ERC1: variants seen among roughly 807,000 people sequenced by gnomAD.
ERC1 encodes the protein ELKS/RAB6-interacting/CAST family member 1.
In ERC1, 56 loss-of-function variants were observed where a neutral mutation model predicts 132.0. The observed-to-expected ratio is 0.42, with a 90% CI of 0.34 to 0.53. The LOEUF is 0.53. Ranked by LOEUF, ERC1 falls within the 20% of genes least tolerant of loss-of-function variation. ERC1 has a pLI of 0.03. For synonymous variants in ERC1, 478 were observed against 476.1 expected (o/e 1.00, Z -0.05); for missense variants, 1,202 against 1,349.9 (o/e 0.89, Z 1.72).
At chr12:1,313,915 C>T (rs887165162) in intron 15 of ERC1, among the ~76,000 whole-genome samples, 9 of 152,028 alleles carry the variant, frequency 5.9e-5, no homozygotes, top group Non-Finnish European at 1.2e-4. Context: ...ACCTGGAAGG[C>T]GGAGTTTGCT....
At chr12:1,013,855 C>T (rs1277446935) in intron 1 of ERC1, among the ~76,000 whole-genome samples, 8 of 152,066 alleles carry the variant, frequency 5.3e-5, no homozygotes, top group African/African-American at 1.9e-4. Flanking sequence ...CTACAGCCTC[C>T]CAAGTAGCTA....
At chr12:1,441,317 T>TC (rs2093147275) in intron 17 of ERC1, among the ~76,000 whole-genome samples, 5 of 152,188 alleles carry the variant, frequency 3.3e-5, no homozygotes, top group Admixed American at 3.3e-4. Flanking sequence ...CGCCTCAGCC[T>TC]CCCAAAGTGC....
At chr12:1,394,729 A>G (rs2090389153) in intron 16 of ERC1, among the ~76,000 whole-genome samples, 3 of 152,176 alleles carry the variant, frequency 2.0e-5, no homozygotes, top group African/African-American at 2.4e-5. Context: ...ACCTTCCGCC[A>G]TGATTGTAAG....
chr12:1,003,227 A>T (rs1962816031), intron 1 of ERC1, among the ~76,000 whole-genome samples: 1 of 151,544 alleles, frequency 6.6e-6, no homozygotes, highest in Admixed American at 6.6e-5. Flanking sequence ...ATCTTTGACT[A>T]ATTCAATATG....
chr12:1,005,252 A>G (rs765463948), intron 1 of ERC1, among the ~76,000 whole-genome samples: 4 of 151,888 alleles, frequency 2.6e-5, no homozygotes, highest in Admixed American at 6.6e-5. Context: ...CCCAGGCTCA[A>G]GCGATCCTCT....
intron 8 of ERC1, among the ~76,000 whole-genome samples, chr12:1,177,248 G>A (rs191123990): frequency 3.7e-4 from 57 of 152,244 alleles, no homozygotes; most frequent in Admixed American, 1.0e-3. Flanking sequence ...TGTGTTCATC[G>A]GAGTGGCACT....
In ERC1 at chr12:1,490,219, G is replaced by A. The variant is rs760059872; in HGVS notation, c.3340G>A (p.Glu1114Lys). ...ILEQVVNALEESS is the reference protein window; with the variant it reads ...ILEQVVNALEKSS ...AGAGCAAGTGGTCAACGCCCTGGAA[G>A]AGTCCTCTTGACCCTGCTTTATGGG... is the stretch of plus-strand genomic sequence containing the variant. Residue 1114 changes from glutamate (E) to lysine (K), a missense_variant, in exon 19 of 19, where the codon GAG (glutamate) becomes AAG (lysine). Glu to Lys is a moderately conservative substitution (Grantham distance 56). Transcript: ENST00000360905. The A allele has an allele frequency of 4.3e-6, 7 of 1,614,064 alleles. No homozygotes were observed. The South Asian group carries it at 7.7e-5, about 18-fold the overall frequency.
At chr12:1,247,666 T>C (rs1215886571) in intron 13 of ERC1, among the ~76,000 whole-genome samples, 1 of 152,230 alleles carries the variant, frequency 6.6e-6, no homozygotes, top group African/African-American at 2.4e-5. Flanking sequence ...TATGTTCTCA[T>C]ATTGTTGACT....
intron 12 of ERC1, among the ~76,000 whole-genome samples, chr12:1,217,426 T>C (rs1025398317): frequency 2.6e-5 from 4 of 152,332 alleles, no homozygotes; most frequent in Middle Eastern, 6.8e-3. Flanking sequence ...AATTGTGCTG[T>C]GGTATGTGAG....
chr12:1,052,769 A>G (rs1280642793), intron 2 of ERC1, among the ~76,000 whole-genome samples: 1 of 152,202 alleles, frequency 6.6e-6, no homozygotes, highest in Non-Finnish European at 1.5e-5. Context: ...CGGGAGTTCA[A>G]GATCAGCCTG....
At chr12:1,038,746 A>C (rs1022320333) in intron 2 of ERC1, among the ~76,000 whole-genome samples, 1 of 152,224 alleles carries the variant, frequency 6.6e-6, no homozygotes, top group East Asian at 1.9e-4. Context: ...GAGGGCATAA[A>C]TGATGTAATA....
chr12:1,417,808 A>T (rs1405974663), intron 17 of ERC1, among the ~76,000 whole-genome samples: 1 of 152,100 alleles, frequency 6.6e-6, no homozygotes, highest in African/African-American at 2.4e-5. Flanking sequence ...AGATTTTGGA[A>T]AAGAGTTATT....
At chr12:1,168,788 G>A (rs1952735810) in intron 8 of ERC1, among the ~76,000 whole-genome samples, 1 of 151,788 alleles carries the variant, frequency 6.6e-6, no homozygotes, top group Admixed American at 6.6e-5. Flanking sequence ...TGCCGGCTGT[G>A]ACGGGTCATT....
intron 17 of ERC1, among the ~76,000 whole-genome samples, chr12:1,428,906 G>C (rs1409469855): frequency 6.6e-6 from 1 of 152,096 alleles, no homozygotes; most frequent in Non-Finnish European, 1.5e-5. Flanking sequence ...GATCTGGCTC[G>C]GCATTTCTGG....
chr12:1,274,041 T>C (rs2078070257), intron 14 of ERC1, among the ~76,000 whole-genome samples: 1 of 152,248 alleles, frequency 6.6e-6, no homozygotes, highest in African/African-American at 2.4e-5. Flanking sequence ...ATGTGAGTGT[T>C]TTCTTCCACA....
At chr12:1,446,513 T>C (rs1223365979) in intron 18 of ERC1, among the ~76,000 whole-genome samples, 1 of 152,224 alleles carries the variant, frequency 6.6e-6, no homozygotes, top group Non-Finnish European at 1.5e-5. Flanking sequence ...ATCAGAACTT[T>C]GAAGCTACTT....
At position 1,279,701 on chromosome 12, in the gene ERC1, T is replaced by A. The variant is rs186929508; in HGVS notation, c.2620-10151T>A. Among the ~76,000 whole-genome samples, 716 of 151,650 alleles carry A rather than the reference T, an allele frequency of 4.7e-3. 12 individuals are homozygous for A. Among genetic ancestry groups the A allele is most frequent in the African/African-American group, 0.013 (559 of 41,432 alleles). On this transcript the variant is annotated intron_variant, in intron 14 of 18. Transcript: ENST00000360905. Reference sequence around the variant, plus strand: ...TTTATTTTATTTTATTTATTTATTTTTTTTTGAGACGGAGTCTCGCTCTGT... The same window carrying A: ...TTTATTTTATTTTATTTATTTATTTATTTTTGAGACGGAGTCTCGCTCTGT...
intron 13 of ERC1, among the ~76,000 whole-genome samples, chr12:1,262,071 C>A (rs193297151): frequency 2.0e-5 from 3 of 152,186 alleles, no homozygotes; most frequent in Admixed American, 1.3e-4. Flanking sequence ...ATAAAAAATT[C>A]TTGGATATCT....
rs1455608838 is a variant in ERC1, at chr12:1,473,645, AAAAAG to A, written c.3214-16447_3214-16443del. Among the ~76,000 whole-genome samples, 5 of 151,724 alleles carry A rather than the reference AAAAAG, an allele frequency of 3.3e-5. No individual in the cohort carries two copies. The East Asian group carries it at 9.7e-4, about 30-fold the overall frequency. On this transcript the variant is annotated intron_variant, in intron 18 of 18. Coordinates refer to ENST00000360905, the MANE Select transcript of ERC1 (RefSeq NM_178040.4). ...ACTCTATCTCAAAAAAAAAAAAAAA[AAAAAG>A]GACAGGGAGGGAGAAGGAGAAGTCC...
Sources: gnomAD v4.1 joint callset for allele counts (sites outside exome capture counted in the v4.1 genomes callset) on GRCh38, gnomAD v4.1.1 for gene constraint, MANE v1.5 for transcripts, NCBI Gene and HGNC (gene_info 2026-07-23, HGNC 2026-07-21) for gene names.